ZSWIM5: variants seen among roughly 807,000 people sequenced by gnomAD.
The protein encoded by ZSWIM5 is zinc finger SWIM-type containing 5, also known as zinc finger SWIM domain-containing protein 5.
A neutral mutation model predicts 119.6 loss-of-function variants in ZSWIM5; 55 were observed. The ratio of observed to expected loss-of-function variants is 0.46; its 90% CI spans 0.37 to 0.58. ZSWIM5 has a LOEUF of 0.58. Ranked by LOEUF, ZSWIM5 falls within the 20% of genes least tolerant of loss-of-function variation. The probability of loss-of-function intolerance (pLI) is 0.00; values close to 1 mark genes in which losing one functional copy is unlikely to be tolerated. For synonymous variants in ZSWIM5, 537 were observed against 606.9 expected, an observed-to-expected ratio of 0.88 and a Z score of 1.69; for missense variants, 1,193 against 1,512.8, an observed-to-expected ratio of 0.79 and a Z score of 3.51.
intron 1 of ZSWIM5, among the ~76,000 whole-genome samples, chr1:45,186,348 A>C (rs1646058524): frequency 1.3e-5 from 2 of 151,250 alleles, no homozygotes; most frequent in African/African-American, 4.9e-5. Context: ...ACATGTATAC[A>C]TATGTAACTA....
intron 1 of ZSWIM5, among the ~76,000 whole-genome samples, chr1:45,140,961 G>A (rs1014212026): frequency 6.6e-6 from 1 of 152,102 alleles, no homozygotes; most frequent in Admixed American, 6.6e-5. Flanking sequence ...AAGCCCAGTA[G>A]TGAGTATTGG....
chr1:45,169,152 C>T lies in ZSWIM5; in HGVS notation c.595+36604G>A, dbSNP rs757837890. ...TTCCTTTATACGTTCTTTTACACTT[C>T]CAATCTGTATATCTAGTTTCTTCTG... On this transcript the variant is annotated intron_variant, in intron 1 of 13. Transcript: ENST00000359600. 2.6e-5 allele frequency among the ~76,000 whole-genome samples: 4 copies of T among 151,892 alleles called. 1 individual carries two copies. The highest frequency in any genetic ancestry group is 5.9e-5 in the Non-Finnish European group (4 of 67,962).
intron 1 of ZSWIM5, among the ~76,000 whole-genome samples, chr1:45,195,138 C>T (rs1209018830): frequency 1.3e-5 from 2 of 152,100 alleles, no homozygotes; most frequent in South Asian, 2.1e-4. Flanking sequence ...AATTTTTAAA[C>T]GCCATTTTTA....
chr1:45,114,728 G>C lies in ZSWIM5; in HGVS notation c.596-26491C>G, dbSNP rs541272910. ...GGCAGGGTCATAGGACAATAGTGGA[G>C]GGAAGGTCAGCAGATAAACATGTGA... is the stretch of plus-strand genomic sequence containing the variant. On this transcript the variant is annotated intron_variant, in intron 1 of 13. Transcript: ENST00000359600. Among the ~76,000 whole-genome samples the C allele has an allele frequency of 2.3e-3, 349 of 151,928 alleles. 1 individual carries two copies. Among genetic ancestry groups the C allele is most frequent in the African/African-American group, 7.7e-3 (318 of 41,424 alleles).
At chr1:45,085,528 GTTTTTTTT>G (rs771375917) in intron 2 of ZSWIM5, among the ~76,000 whole-genome samples, 4 of 112,756 alleles carry the variant, frequency 3.5e-5, no homozygotes, top group Non-Finnish European at 7.4e-5. Context: ...TAGTTTGTTT[GTTTTTTTT>G]TTTTTTTTTT....
intron 1 of ZSWIM5, among the ~76,000 whole-genome samples, chr1:45,142,279 A>C (rs980343217): frequency 6.6e-6 from 1 of 152,252 alleles, no homozygotes; most frequent in African/African-American, 2.4e-5. Flanking sequence ...CTTTAATGAA[A>C]TCAACTAATT....
intron 1 of ZSWIM5, among the ~76,000 whole-genome samples, chr1:45,096,958 T>G (rs1003824812): frequency 5.3e-5 from 8 of 152,192 alleles, no homozygotes; most frequent in Non-Finnish European, 2.9e-5. Context: ...GTGCTCCAAG[T>G]GCGACTTAGG....
In ZSWIM5 at chr1:45,034,323, G is replaced by A. The variant is rs1644969846; in HGVS notation, c.2438C>T (p.Thr813Ile). The A allele has an allele frequency of 1.2e-6, 2 of 1,607,214 alleles. No individual in the cohort carries two copies. The highest frequency in any genetic ancestry group is 1.7e-6 in the Non-Finnish European group (2 of 1,176,888). ...QQCELASTML[T>I]AAKGDTLRLR... ...CTATCTATGCTCACCTTTGGCAGCAGTCAGCATGGTGGAGGCCAGTTCACA... is the reference window on the plus strand; with the variant it reads ...CTATCTATGCTCACCTTTGGCAGCAATCAGCATGGTGGAGGCCAGTTCACA... Residue 813 changes from threonine (T) to isoleucine (I), a missense_variant, in exon 11 of 14, where the codon ACT becomes ATT. Around this residue, in one of 2 missense-constraint regions of ZSWIM5, gnomAD observed 961 missense variants for 1,290.0 expected, o/e 0.74. Transcript: ENST00000359600.
In ZSWIM5 at chr1:45,165,774, T is replaced by C. The variant is rs956813272; in HGVS notation, c.595+39982A>G. On this transcript the variant is annotated intron_variant, in intron 1 of 13. Transcript: ENST00000359600. ...CTCCCAAGACTAAACCAGGAAGAAG[T>C]TGAATCCCTGAATAGACCAATAACA... Among the ~76,000 whole-genome samples the C allele has an allele frequency of 9.9e-5, 15 of 152,082 alleles. No homozygotes were observed. In the East Asian group the frequency reaches 2.3e-3, roughly 23 times the overall value.
At chr1:45,078,429 G>T (rs1468066934) in intron 2 of ZSWIM5, among the ~76,000 whole-genome samples, 1 of 152,198 alleles carries the variant, frequency 6.6e-6, no homozygotes, top group African/African-American at 2.4e-5. Context: ...GACCCATAGA[G>T]GTACTACCTT....
chr1:45,173,016 T>A (rs1021221738), intron 1 of ZSWIM5, among the ~76,000 whole-genome samples: 1 of 151,890 alleles, frequency 6.6e-6, no homozygotes, highest in Non-Finnish European at 1.5e-5. Flanking sequence ...ATAAAAAAAA[T>A]TAGCCGGGCA....
At chr1:45,157,836 A>G (rs544306958) in intron 1 of ZSWIM5, among the ~76,000 whole-genome samples, 1 of 152,210 alleles carries the variant, frequency 6.6e-6, no homozygotes, top group African/African-American at 2.4e-5. Flanking sequence ...CTTGATGGAC[A>G]TTGGCTTCTA....
At chr1:45,175,196 T>C (rs1399847088) in intron 1 of ZSWIM5, among the ~76,000 whole-genome samples, 1 of 152,092 alleles carries the variant, frequency 6.6e-6, no homozygotes, top group East Asian at 1.9e-4. Flanking sequence ...TTCATCATGA[T>C]TAGATTCAGG....
chr1:45,150,115 A>C (rs1645787325), intron 1 of ZSWIM5, among the ~76,000 whole-genome samples: 1 of 149,320 alleles, frequency 6.7e-6, no homozygotes, highest in Non-Finnish European at 1.5e-5. Context: ...GGCTGCAATG[A>C]GCTCTGATCA....
At chr1:45,153,078 C>A (rs1645806628) in intron 1 of ZSWIM5, among the ~76,000 whole-genome samples, 1 of 137,338 alleles carries the variant, frequency 7.3e-6, no homozygotes, top group Non-Finnish European at 1.5e-5. Context: ...ATCAGAATGG[C>A]TACTATTAAA....
At chr1:45,096,359 C>T (rs1247594550) in intron 1 of ZSWIM5, among the ~76,000 whole-genome samples, 3 of 150,372 alleles carry the variant, frequency 2.0e-5, no homozygotes, top group Non-Finnish European at 3.0e-5. Flanking sequence ...GGTAAAACAT[C>T]GCTATTTTGT....
intron 1 of ZSWIM5, among the ~76,000 whole-genome samples, chr1:45,146,748 A>G (rs866456271): frequency 1.3e-5 from 2 of 152,078 alleles, no homozygotes; most frequent in African/African-American, 2.4e-5. Flanking sequence ...ACAATTGTAT[A>G]CGTACGTACT....
At chr1:45,044,792 TATATATATATAA>T (rs1557746556) in intron 5 of ZSWIM5, among the ~76,000 whole-genome samples, 3,405 of 6,440 alleles carry the variant, frequency 0.53, 1,319 homozygotes, top group East Asian at 0.82. Context: ...TATATATAAA[TATATATATATAA>T]ATATATATAT....
intron 1 of ZSWIM5, among the ~76,000 whole-genome samples, chr1:45,139,125 G>A (rs192669418): frequency 1.7e-3 from 256 of 151,720 alleles, no homozygotes; most frequent in African/African-American, 5.8e-3. Flanking sequence ...CAAATGGTCC[G>A]CCTGCCTCGG....
Sources: allele counts gnomAD v4.1 joint callset (sites outside exome capture counted in the v4.1 genomes callset), GRCh38; gene constraint gnomAD v4.1.1; regional missense constraint gnomAD v4.1.1; transcripts MANE v1.5; gene names NCBI Gene and HGNC (gene_info 2026-07-23, HGNC 2026-07-21).